SLC26A7: variants seen among roughly 807,000 people sequenced by gnomAD.
SLC26A7 encodes the protein solute carrier family 26 member 7.
Under a neutral mutation model 82.5 loss-of-function variants are expected in SLC26A7, and 59 were observed. The ratio of observed to expected loss-of-function variants is 0.72; its 90% CI spans 0.58 to 0.89. The LOEUF is 0.89. SLC26A7 is among the 40% of genes least tolerant of loss of function. The pLI, the probability that SLC26A7 is intolerant of heterozygous loss-of-function variation, is 0.00. For missense variants in SLC26A7, 820 were observed against 793.0 expected (o/e 1.03, Z -0.41); for synonymous variants, 271 against 274.3 (o/e 0.99, Z 0.12).
At chr8:91,306,681 A>C (rs1160567712) in intron 4 of SLC26A7, among the ~76,000 whole-genome samples, 1 of 151,892 alleles carries the variant, frequency 6.6e-6, no homozygotes, top group African/African-American at 2.4e-5. Flanking sequence ...TTTGTTATTA[A>C]CTAAAGTCTA....
intron 3 of SLC26A7, among the ~76,000 whole-genome samples, chr8:91,291,210 G>A (rs1465172207): frequency 6.6e-6 from 1 of 151,892 alleles, no homozygotes; most frequent in Non-Finnish European, 1.5e-5. Context: ...CCTTTACATT[G>A]CACGTGAAAA....
intron 3 of SLC26A7, 55 bp from the exon 4 acceptor site, chr8:91,295,476 T>G (rs1811989867): frequency 6.4e-7 from 1 of 1,559,752 alleles, no homozygotes; most frequent in Non-Finnish European, 8.7e-7. Flanking sequence ...ACAATTTTTA[T>G]TGAGCCTTTA....
At chr8:91,325,390 A>G (rs1812903647) in intron 5 of SLC26A7, among the ~76,000 whole-genome samples, 1 of 152,118 alleles carries the variant, frequency 6.6e-6, no homozygotes, top group African/African-American at 2.4e-5. Context: ...CCATCTGCCT[A>G]TGATAGGGAA....
chr8:91,394,326 C>T (rs1266855257), intron 18 of SLC26A7: 1 of 1,608,880 alleles, frequency 6.2e-7, no homozygotes, highest in South Asian at 1.1e-5. Context: ...ACAACAAATG[C>T]TTCTTCCAGG....
At chr8:91,331,966 T>A (rs1348759249) in intron 5 of SLC26A7, among the ~76,000 whole-genome samples, 1 of 151,852 alleles carries the variant, frequency 6.6e-6, no homozygotes, top group Non-Finnish European at 1.5e-5. Flanking sequence ...TCTGTTTATG[T>A]CCTCTGCTAA....
chr8:91,391,536 A>G (rs1814968265), intron 16 of SLC26A7, among the ~76,000 whole-genome samples: 1 of 152,210 alleles, frequency 6.6e-6, no homozygotes, highest in Non-Finnish European at 1.5e-5. Flanking sequence ...CAACCTGAAT[A>G]CTTCGTGTTT....
chr8:91,243,952 T>C (rs1810508310), intron 2 of SLC26A7, among the ~76,000 whole-genome samples: 1 of 152,196 alleles, frequency 6.6e-6, no homozygotes, highest in African/African-American at 2.4e-5. Context: ...TATCATATTA[T>C]GAATAACTGA....
rs142449376 is a variant in SLC26A7 at position 91,210,082 on chromosome 8, A to G, written c.-150+540A>G. Reference sequence around the variant, plus strand: ...TATGGAGTCATAGACAGAACCAACAACGACTTTGGTGGAGGCTAAAAGGTA... The same window carrying G: ...TATGGAGTCATAGACAGAACCAACAGCGACTTTGGTGGAGGCTAAAAGGTA... On this transcript the variant is annotated intron_variant, in intron 1 of 5. Coordinates refer to the SLC26A7 transcript ENST00000522862. Among the ~76,000 whole-genome samples, 28 of 152,298 alleles carry G rather than the reference A, an allele frequency of 1.8e-4. No individual in the cohort carries two copies. The East Asian group carries it at 5.0e-3, about 27-fold the overall frequency.
chr8:91,210,258 A>G (rs1392788412), intron 1 of SLC26A7, among the ~76,000 whole-genome samples: 1 of 152,178 alleles, frequency 6.6e-6, no homozygotes, highest in African/African-American at 2.4e-5. Context: ...CTATCAAATA[A>G]TAGAATTAGG....
intron 15 of SLC26A7, among the ~76,000 whole-genome samples, chr8:91,383,142 C>T (rs549969611): frequency 2.0e-5 from 3 of 152,252 alleles, no homozygotes; most frequent in Non-Finnish European, 2.9e-5. Flanking sequence ...TTTCTATCTT[C>T]CTCTTCTTTG....
chr8:91,389,251 C>T, intron 15 of SLC26A7, 87 bp from the exon 16 acceptor site: 3 of 812,328 alleles, frequency 3.7e-6, no homozygotes, highest in Middle Eastern at 4.6e-4. Flanking sequence ...AAACATGAGG[C>T]CACTGTTACC....
intron 5 of SLC26A7, among the ~76,000 whole-genome samples, chr8:91,319,130 A>C (rs1352922961): frequency 2.0e-5 from 3 of 152,162 alleles, no homozygotes; most frequent in Non-Finnish European, 4.4e-5. Context: ...AACTCAATGA[A>C]TGGAGTATGG....
chr8:91,238,082 GT>G (rs1392816895), intron 2 of SLC26A7, among the ~76,000 whole-genome samples: 4 of 152,142 alleles, frequency 2.6e-5, no homozygotes, highest in Non-Finnish European at 5.9e-5. Flanking sequence ...GCTATATGAT[GT>G]TGCTTTTACC....
Position 91,369,772 on chromosome 8 carries a change from G to T in SLC26A7, c.1627-13G>T. 6.4e-7 allele frequency: 1 copy of T among 1,559,250 alleles called. No individual in the cohort carries two copies. Among genetic ancestry groups the T allele is most frequent in the Non-Finnish European group, 8.7e-7 (1 of 1,151,462 alleles). On this transcript the variant is annotated splice_polypyrimidine_tract_variant and intron_variant, in intron 14 of 18. Transcript: ENST00000276609. ...TATAACATTTTTCTTCTTTATGTTT[G>T]TTTTTATTTTAGTGTGAACAAAACA...
intron 2 of SLC26A7, among the ~76,000 whole-genome samples, chr8:91,221,703 G>A (rs1445356668): frequency 1.3e-5 from 2 of 151,980 alleles, no homozygotes; most frequent in African/African-American, 4.8e-5. Context: ...TTATTTCTGA[G>A]GCCTCTGTTC....
chr8:91,292,341 T>C (rs1811896016), intron 3 of SLC26A7, among the ~76,000 whole-genome samples: 1 of 152,048 alleles, frequency 6.6e-6, no homozygotes, highest in Non-Finnish European at 1.5e-5. Flanking sequence ...TTTCCCTTAT[T>C]TTGCAACATA....
rs149167044 is a variant in SLC26A7 at position 91,366,580 on chromosome 8, G to A, written c.1489G>A (p.Glu497Lys). ...TGAATCTGTTTTTCTCCTCCAAAAGGAAACCCTGCAGCAGGTGAAAATTAT... is the reference window on the plus strand; with the variant it reads ...TGAATCTGTTTTTCTCCTCCAAAAGAAAACCCTGCAGCAGGTGAAAATTAT... ...EFKVKTEMDS[E>K]TLQQVKIISI... is the part of the protein sequence containing the mutation. Residue 497 changes from glutamate (E) to lysine (K), a missense_variant and splice_region_variant, in exon 14 of 19, where the codon GAA becomes AAA. Glu to Lys is a moderately conservative substitution (Grantham distance 56). Transcript: ENST00000276609. 1.9e-6 allele frequency: 3 copies of A among 1,610,046 alleles called. No individual in the cohort carries two copies. Among genetic ancestry groups the A allele is most frequent in the Non-Finnish European group, 2.5e-6 (3 of 1,179,070 alleles).
intron 15 of SLC26A7, among the ~76,000 whole-genome samples, chr8:91,370,125 T>C (rs1240359554): frequency 6.6e-6 from 1 of 151,892 alleles, no homozygotes; most frequent in Non-Finnish European, 1.5e-5. Flanking sequence ...CTTCTCCCTC[T>C]CTCCTTCACT....
chr8:91,313,590 C>T (rs916905006), intron 4 of SLC26A7, among the ~76,000 whole-genome samples: 1 of 152,222 alleles, frequency 6.6e-6, no homozygotes, highest in East Asian at 1.9e-4. Flanking sequence ...CAGGCCCCAC[C>T]CAAACAGCTT....
Sources: allele counts gnomAD v4.1 joint callset (sites outside exome capture counted in the v4.1 genomes callset), GRCh38; gene constraint gnomAD v4.1.1; transcripts MANE v1.5; gene names NCBI Gene and HGNC (gene_info 2026-07-23, HGNC 2026-07-21).